The following SGCD variants were observed in gnomAD, a reference collection of about 807,000 sequenced individuals.
SGCD encodes the protein sarcoglycan delta, also known as delta-sarcoglycan.
Under a neutral mutation model 36.6 loss-of-function variants are expected in SGCD, and 18 were observed. That is an observed-to-expected ratio of 0.49 (90% CI 0.34 to 0.73). SGCD has a LOEUF of 0.73. Among genes scored for constraint, SGCD ranks in the 30% least tolerant of loss-of-function variants. The probability of loss-of-function intolerance (pLI) is 0.01; values close to 1 mark genes in which losing one functional copy is unlikely to be tolerated. For synonymous variants in SGCD, 133 were observed against 130.6 expected (o/e 1.02, Z -0.12); for missense variants, 387 against 346.7 (o/e 1.12, Z -0.92).
chr5:156,048,640 T>C (rs1321474413), intron 1 of SGCD, among the ~76,000 whole-genome samples: 2 of 152,212 alleles, frequency 1.3e-5, no homozygotes, highest in African/African-American at 4.8e-5. Context: ...GAAGTGTCTG[T>C]TCATATCCTT....
chr5:156,352,723 C>T lies in SGCD; in HGVS notation c.192+8046C>T, dbSNP rs565178473. Among the ~76,000 whole-genome samples the T allele has an allele frequency of 2.5e-4, 38 of 152,306 alleles. 1 individual carries two copies. In the South Asian group the frequency reaches 6.2e-3, roughly 25 times the overall value. ...CAGGATTAACTTTATAAGGTTTTCA[C>T]ATGATGCACATAAGAACCCTATGAG... On this transcript the variant is annotated intron_variant, in intron 3 of 8. Transcript: ENST00000337851.
intron 3 of SGCD, among the ~76,000 whole-genome samples, chr5:156,188,645 G>A (rs115662855): frequency 0.014 from 2,084 of 149,432 alleles, 40 homozygotes; most frequent in African/African-American, 0.048. Flanking sequence ...AGAAGCCTCA[G>A]TGTCTCTCTG....
At chr5:156,586,322 A>C (rs972623910) in intron 4 of SGCD, among the ~76,000 whole-genome samples, 1 of 152,196 alleles carries the variant, frequency 6.6e-6, no homozygotes, top group Non-Finnish European at 1.5e-5. Flanking sequence ...GCAAAGTGCC[A>C]TTGTCTTTTT....
chr5:156,581,511 T>C (rs1312872684), intron 4 of SGCD, among the ~76,000 whole-genome samples: 1 of 152,194 alleles, frequency 6.6e-6, no homozygotes, highest in East Asian at 1.9e-4. Flanking sequence ...TTTTCAGCTA[T>C]ACCCTGCCCC....
intron 7 of SGCD, among the ~76,000 whole-genome samples, chr5:156,730,216 C>T (rs1466694620): frequency 6.6e-6 from 1 of 152,082 alleles, no homozygotes; most frequent in Admixed American, 6.6e-5. Context: ...ACCCTAGATT[C>T]TGTGCAGTTT....
chr5:156,222,664 C>T (rs1764745379), intron 3 of SGCD, among the ~76,000 whole-genome samples: 1 of 151,958 alleles, frequency 6.6e-6, no homozygotes, highest in South Asian at 2.1e-4. Flanking sequence ...TTTACAAAAC[C>T]TACATCTTGA....
At chr5:156,073,599 G>T (rs1760663521) in intron 1 of SGCD, among the ~76,000 whole-genome samples, 1 of 152,116 alleles carries the variant, frequency 6.6e-6, no homozygotes, top group South Asian at 2.1e-4. Context: ...TATCTCATAA[G>T]ATCTCTATTT....
chr5:156,324,131 G>A (rs1318887830), upstream of SGCD, among the ~76,000 whole-genome samples: 1 of 152,178 alleles, frequency 6.6e-6, no homozygotes, highest in Non-Finnish European at 1.5e-5. Flanking sequence ...GAATTGGTGT[G>A]ATGGTAAGAC....
intron 3 of SGCD, among the ~76,000 whole-genome samples, chr5:156,250,589 A>C (rs983207494): frequency 6.6e-6 from 1 of 152,186 alleles, no homozygotes; most frequent in African/African-American, 2.4e-5. Flanking sequence ...GATAAAGAAA[A>C]AAAAGGGAAA....
chr5:156,243,796 G>A (rs1407327441), intron 3 of SGCD, among the ~76,000 whole-genome samples: 3 of 152,248 alleles, frequency 2.0e-5, no homozygotes, highest in Middle Eastern at 6.8e-3. Flanking sequence ...ATAGTCATGG[G>A]GAGAAAGCAA....
At chr5:156,353,430 T>A (rs1769351562) in intron 3 of SGCD, among the ~76,000 whole-genome samples, 1 of 152,224 alleles carries the variant, frequency 6.6e-6, no homozygotes, top group Non-Finnish European at 1.5e-5. Flanking sequence ...AACTACCTGC[T>A]ACATTTTAAT....
intron 3 of SGCD, among the ~76,000 whole-genome samples, chr5:156,186,138 C>T (rs1462689531): frequency 3.3e-5 from 5 of 150,746 alleles, no homozygotes; most frequent in Middle Eastern, 3.2e-3. Context: ...TATTAATTTA[C>T]AAAAACCTGT....
intron 7 of SGCD, among the ~76,000 whole-genome samples, chr5:156,696,885 C>T (rs1754336225): frequency 6.6e-6 from 1 of 150,854 alleles, no homozygotes; most frequent in Non-Finnish European, 1.5e-5. Context: ...TCTCTTAGAA[C>T]CCTCTTCTCT....
rs1469087098 is a variant in SGCD at position 156,067,923 on chromosome 5, G to C, written c.-281-49955G>C. Among the ~76,000 whole-genome samples the C allele has an allele frequency of 7.8e-5, 10 of 128,558 alleles. 1 individual carries two copies. The highest frequency in any genetic ancestry group is 1.4e-4 in the African/African-American group (3 of 21,276). The allele number at this position is 128,558 out of a possible 152,430, so 84.3% of individuals were successfully genotyped here. ...TTCTGCGTCGCTCACGCTGGGAGCT[G>C]TAGACCGGAGCTGTTCCTATTCGGC... On this transcript the variant is annotated intron_variant, in intron 1 of 9. Transcript: ENST00000517913.
At chr5:156,138,904 G>C (rs1762516942) in intron 3 of SGCD, among the ~76,000 whole-genome samples, 1 of 152,116 alleles carries the variant, frequency 6.6e-6, no homozygotes, top group African/African-American at 2.4e-5. Flanking sequence ...ATTTCTTCTT[G>C]TTTTAGTTTG....
chr5:156,502,399 G>A (rs1398024830), intron 3 of SGCD, among the ~76,000 whole-genome samples: 1 of 151,974 alleles, frequency 6.6e-6, no homozygotes, highest in African/African-American at 2.4e-5. Context: ...AGGCTGGAGA[G>A]CATTGATGTA....
Position 156,668,132 on chromosome 5 carries a change from A to G in SGCD, c.575+20596A>G, listed in dbSNP as rs148631364. On this transcript the variant is annotated intron_variant, in intron 7 of 8. Coordinates refer to ENST00000337851, the MANE Select transcript of SGCD (RefSeq NM_000337.6). ...ACTTCATCACAACTGTCCTCACTGC[A>G]TGTTGTGTAGTACCTGCCCAGAAAA... 2.1e-3 allele frequency among the ~76,000 whole-genome samples: 322 copies of G among 152,262 alleles called. 1 individual carries two copies. Among genetic ancestry groups the G allele is most frequent in the Non-Finnish European group, 3.9e-3 (267 of 68,016 alleles).
At chr5:156,726,430 C>T (rs1488153267) in intron 7 of SGCD, among the ~76,000 whole-genome samples, 1 of 152,190 alleles carries the variant, frequency 6.6e-6, no homozygotes, top group Non-Finnish European at 1.5e-5. Flanking sequence ...AACTTGTGTA[C>T]CACACTCTGC....
At chr5:156,063,444 A>G (rs1760284709) in intron 1 of SGCD, among the ~76,000 whole-genome samples, 1 of 118,720 alleles carries the variant, frequency 8.4e-6, no homozygotes, top group Non-Finnish European at 1.7e-5. Context: ...TATGAACTTT[A>G]AAGTAGTTTT....
Sources: allele counts gnomAD v4.1 joint callset (sites outside exome capture counted in the v4.1 genomes callset), GRCh38; gene constraint gnomAD v4.1.1; transcripts MANE v1.5; gene names NCBI Gene and HGNC (gene_info 2026-07-23, HGNC 2026-07-21).